The following ACOT11 variants were observed in gnomAD, a reference collection of about 807,000 sequenced individuals.
ACOT11 encodes acyl-coenzyme A thioesterase 11.
In ACOT11, 69 loss-of-function variants were observed where a neutral mutation model predicts 77.5. That is an observed-to-expected ratio of 0.89 (90% CI 0.73 to 1.09). The LOEUF (loss-of-function observed/expected upper bound fraction) is 1.09. Among genes scored for constraint, ACOT11 ranks in the 50% least tolerant of loss-of-function variants. ACOT11 has a pLI of 0.00. For missense variants in ACOT11, 766 were observed against 813.7 expected, an observed-to-expected ratio of 0.94 and a Z score of 0.71; for synonymous variants, 279 against 313.0, an observed-to-expected ratio of 0.89 and a Z score of 1.15.
At chr1:54,598,402 T>C (rs555508231) in intron 7 of ACOT11, 1 of 152,404 alleles carries the variant, frequency 6.6e-6, no homozygotes, top group Admixed American at 6.5e-5. Flanking sequence ...AAACTTGGCT[T>C]CTTTCCAGCC....
At chr1:54,563,129 GGCGC>G (rs1653609485) in intron 1 of ACOT11, among the ~76,000 whole-genome samples, 2 of 152,208 alleles carry the variant, frequency 1.3e-5, no homozygotes, top group Non-Finnish European at 2.9e-5. Context: ...GGCGCTCGCT[GGCGC>G]GGCGGCAAAG....
intron 1 of ACOT11, among the ~76,000 whole-genome samples, chr1:54,579,635 TG>T: frequency 6.6e-6 from 1 of 152,308 alleles, no homozygotes; most frequent in East Asian, 1.9e-4. Flanking sequence ...GTTCAGACAA[TG>T]GGGCCTTTCA....
rs764854655 is a variant in ACOT11, at chr1:54,603,955, G to A, written c.1152+18G>A. 8.7e-6 allele frequency: 14 copies of A among 1,613,020 alleles called. No individual in the cohort carries two copies. The highest frequency in any genetic ancestry group is 3.3e-5 in the Admixed American group (2 of 59,998). The stretch of plus-strand genomic sequence containing the variant: ...GCAACCAGGTAAGGCTCTCTGCTCC[G>A]AGAGGACAGTCTTCAGACCCACCGG... On this transcript the variant is annotated intron_variant, in intron 11 of 15. Coordinates refer to ENST00000343744, the MANE Select transcript of ACOT11 (RefSeq NM_147161.4).
chr1:54,577,441 A>G (rs1182364181), intron 1 of ACOT11, among the ~76,000 whole-genome samples: 1 of 152,138 alleles, frequency 6.6e-6, no homozygotes, highest in African/African-American at 2.4e-5. Flanking sequence ...AAATTCATCT[A>G]TGTTTTAGCA....
At position 54,594,679 on chromosome 1, in the gene ACOT11, G is replaced by A. The variant is rs747551596; in HGVS notation, c.595G>A (p.Ala199Thr). 12 of 1,612,462 alleles carry A rather than the reference G, an allele frequency of 7.4e-6. No individual in the cohort carries two copies. Among genetic ancestry groups the A allele is most frequent in the Middle Eastern group, 1.7e-4 (1 of 6,054 alleles). ...DTIKDLLANC[A>T]IQGDLESRDC... is the part of the protein sequence containing the mutation. Reference sequence around the variant, plus strand: ...CATCAAGGACCTCCTGGCCAACTGCGCCATTCAGGGCGGTGAGCAGCTGCC... The same window carrying A: ...CATCAAGGACCTCCTGGCCAACTGCACCATTCAGGGCGGTGAGCAGCTGCC... The change falls in exon 6 of 16, where the codon GCC becomes ACC. Residue 199 changes from alanine (A) to threonine (T), a missense_variant. Coordinates refer to ENST00000343744, the MANE Select transcript of ACOT11 (RefSeq NM_147161.4).
In ACOT11 at chr1:54,584,793, A is replaced by G; in HGVS notation, c.172A>G (p.Thr58Ala). The G allele has an allele frequency of 6.2e-7, 1 of 1,614,064 alleles. No individual in the cohort carries two copies. The highest frequency in any genetic ancestry group is 1.1e-5 in the South Asian group (1 of 91,078). Residue 58 changes from threonine (T) to alanine (A), a missense_variant, in exon 2 of 16, where the codon ACC becomes GCC. Coordinates refer to ENST00000343744, the MANE Select transcript of ACOT11 (RefSeq NM_147161.4). The surrounding 1 kb of genome is among the most constrained non-coding windows in gnomAD (Gnocchi z 6.3). Reference sequence around the variant, plus strand: ...GAGCCAGCTGGTGCTGCCCTGCCACACCAACCAACGTGGTGAGCTGAGCGT... The same window carrying G: ...GAGCCAGCTGGTGCTGCCCTGCCACGCCAACCAACGTGGTGAGCTGAGCGT... The part of the protein sequence containing the change: ...QMSQLVLPCH[T>A]NQRGELSVGQ...
In ACOT11 at chr1:54,548,295, C is replaced by A; in HGVS notation, c.-15C>A. ...GTCTCTGGGAGGGCGCTGCTTTCCCCGGCCACCCGGCGCGATGATCCAGAA... is the reference window on the plus strand; with the variant it reads ...GTCTCTGGGAGGGCGCTGCTTTCCCAGGCCACCCGGCGCGATGATCCAGAA... On this transcript the variant is annotated 5_prime_UTR_variant, in exon 1 of 16. Coordinates refer to ENST00000343744, the MANE Select transcript of ACOT11 (RefSeq NM_147161.4). 1 of 1,591,102 alleles carries A rather than the reference C, an allele frequency of 6.3e-7. No homozygotes were observed. Among genetic ancestry groups the A allele is most frequent in the Non-Finnish European group, 8.6e-7 (1 of 1,169,174 alleles).
chr1:54,608,104 G>A, intron 15 of ACOT11, 36 bp downstream of exon 15: 2 of 1,592,372 alleles, frequency 1.3e-6, no homozygotes, highest in Non-Finnish European at 1.7e-6. Flanking sequence ...CCCCAGCCTG[G>A]CTCCACCCCA....
rs375570155 is a variant in ACOT11, at chr1:54,610,224, A to C, written c.*1112A>C. ...GTAGCTGAGGACTGGTCTGAAGGCCAGGAGCCCTGTGCTCTTGACATCACT... is the reference window on the plus strand; with the variant it reads ...GTAGCTGAGGACTGGTCTGAAGGCCCGGAGCCCTGTGCTCTTGACATCACT... On this transcript the variant is annotated 3_prime_UTR_variant, in exon 16 of 16. Coordinates refer to ENST00000343744, the MANE Select transcript of ACOT11 (RefSeq NM_147161.4). 20 of 1,438,690 alleles carry C rather than the reference A, an allele frequency of 1.4e-5. No homozygotes were observed. The highest frequency in any genetic ancestry group is 2.9e-5 in the Admixed American group (1 of 35,044). 89.1% of individuals were successfully genotyped at this position (1,438,690 alleles called of 1,614,324 possible).
chr1:54,563,840 C>T (rs372253), intron 1 of ACOT11, among the ~76,000 whole-genome samples: 47,111 of 151,716 alleles, frequency 0.31, 9,862 homozygotes, highest in African/African-American at 0.63. Context: ...GAGCGGGGGG[C>T]GGATCACTTA....
chr1:54,582,644 C>G, intron 1 of ACOT11: 1 of 455,714 alleles, frequency 2.2e-6, no homozygotes, highest in Non-Finnish European at 2.9e-6. Context: ...GACTGCTGGT[C>G]CAGGACTGTG....
chr1:54,627,808 G>A (rs1330387854), intron 15 of ACOT11, among the ~76,000 whole-genome samples: 2 of 133,416 alleles, frequency 1.5e-5, no homozygotes, highest in Admixed American at 1.5e-4. Context: ...CAGGGACGGG[G>A]GCTAGGGAAG....
exon 17 of ACOT11, chr1:54,634,865 C>A: frequency 1.8e-6 from 1 of 553,258 alleles, no homozygotes; most frequent in South Asian, 2.5e-5. Flanking sequence ...ACAGCCACCC[C>A]GCTAAGAACA....
intron 15 of ACOT11, among the ~76,000 whole-genome samples, chr1:54,608,285 C>G (rs1367443926): frequency 2.6e-5 from 4 of 152,178 alleles, no homozygotes; most frequent in African/African-American, 9.7e-5. Context: ...GGAAAAAGCT[C>G]TGGGTGCTGA....
In ACOT11 at chr1:54,615,941, C is replaced by T. The variant is rs138272421; in HGVS notation, c.1629+7873C>T. 2.5e-3 allele frequency: 3,743 copies of T among 1,475,638 alleles called. 6 individuals are homozygous for T. Among genetic ancestry groups the T allele is most frequent in the Non-Finnish European group, 3.4e-3 (3,601 of 1,070,874 alleles). The allele number at this position is 1,475,638 out of a possible 1,614,324, so 91.4% of individuals were successfully genotyped here. A position where few individuals can be genotyped will look rare whatever the true frequency, so the allele number is the denominator to read the frequency against. ...CCTCGTGTCAGGGCTGGACTTGCTT[C>T]CCAGTGAGGGATCTCTGCACATGCT... is the stretch of plus-strand genomic sequence containing the variant. On this transcript the variant is annotated intron_variant, in intron 15 of 16. Transcript: ENST00000371316.
downstream of ACOT11, among the ~76,000 whole-genome samples, chr1:54,612,108 G>A (rs1289996274): frequency 1.3e-5 from 2 of 150,568 alleles, no homozygotes; most frequent in African/African-American, 4.9e-5. Context: ...TGGAAGGTAG[G>A]GGGTATAGTG....
At chr1:54,579,048 A>T (rs952896215) in intron 1 of ACOT11, among the ~76,000 whole-genome samples, 50 of 152,374 alleles carry the variant, frequency 3.3e-4, no homozygotes, top group African/African-American at 1.2e-3. Context: ...AAGGAAAATT[A>T]AGATGTTTGA....
At chr1:54,608,587 G>T (rs770761531) in intron 15 of ACOT11, among the ~76,000 whole-genome samples, 1 of 152,068 alleles carries the variant, frequency 6.6e-6, no homozygotes, top group Middle Eastern at 3.2e-3. Flanking sequence ...ACCCATGAGC[G>T]CCTCAGAACC....
Position 54,608,482 on chromosome 1 carries a change from C to T in ACOT11, c.1629+414C>T, listed in dbSNP as rs114224357. 6.6e-5 allele frequency among the ~76,000 whole-genome samples: 10 copies of T among 152,190 alleles called. No homozygotes were observed. In the East Asian group the frequency reaches 1.9e-3, roughly 29 times the overall value. On this transcript the variant is annotated intron_variant, in intron 15 of 15. Coordinates refer to ENST00000343744, the MANE Select transcript of ACOT11 (RefSeq NM_147161.4). ...GAGGGTGGGGTACTGCAGCCTCCCC[C>T]CTCACAGCTTCTATTAGGGCCCTGC...
Sources: gnomAD v4.1 joint callset for allele counts (sites outside exome capture counted in the v4.1 genomes callset) on GRCh38, gnomAD v4.1.1 for gene constraint, Gnocchi (gnomAD v3.1) non-coding constraint, MANE v1.5 for transcripts, NCBI Gene and HGNC (gene_info 2026-07-23, HGNC 2026-07-21) for gene names.